Variants in PHACTR2 observed in about 807,000 individuals in gnomAD.
The protein encoded by PHACTR2 is phosphatase and actin regulator 2.
A neutral mutation model predicts 76.0 loss-of-function variants in PHACTR2; 30 were observed. The ratio of observed to expected loss-of-function variants is 0.39; its 90% CI spans 0.30 to 0.54. PHACTR2 has a LOEUF of 0.54. PHACTR2 is among the 20% of genes least tolerant of loss of function. The pLI is 0.61. For missense variants in PHACTR2, 696 were observed against 781.1 expected (o/e 0.89, Z 1.30); for synonymous variants, 292 against 292.5 (o/e 1.00, Z 0.02).
intron 1 of PHACTR2, among the ~76,000 whole-genome samples, chr6:143,545,358 G>A (rs1774966534): frequency 6.6e-6 from 1 of 152,210 alleles, no homozygotes; most frequent in South Asian, 2.1e-4. Flanking sequence ...GAAGTCATAA[G>A]TGTCAGTTCA....
chr6:143,587,841 C>T (rs1230162420), intron 1 of PHACTR2, among the ~76,000 whole-genome samples: 1 of 151,864 alleles, frequency 6.6e-6, no homozygotes, highest in African/African-American at 2.4e-5. Flanking sequence ...TGGAGAAACC[C>T]CGTCTCTACT....
chr6:143,550,481 A>G lies in PHACTR2; in HGVS notation c.217+13274A>G, dbSNP rs1775080797. 6.6e-6 allele frequency among the ~76,000 whole-genome samples: 1 copy of G among 152,066 alleles called. No homozygotes were observed. Among genetic ancestry groups the G allele is most frequent in the South Asian group, 2.1e-4 (1 of 4,824 alleles). On this transcript the variant is annotated intron_variant, in intron 1 of 11. Coordinates refer to the PHACTR2 transcript ENST00000367584. The surrounding 1 kb of genome is among the most constrained non-coding windows in gnomAD (Gnocchi z 4.8). ...GCAAACCTTACTATATATTATCTAT[A>G]TAGTAAATAATGGGCGGAGGGTGTC... is the stretch of plus-strand genomic sequence containing the variant.
rs927159408 is a variant in PHACTR2, at chr6:143,696,392, C to T, written c.47-15624C>T. Among the ~76,000 whole-genome samples, 2 of 152,070 alleles carry T rather than the reference C, an allele frequency of 1.3e-5. No homozygotes were observed. The highest frequency in any genetic ancestry group is 4.8e-5 in the African/African-American group (2 of 41,380). On this transcript the variant is annotated intron_variant, in intron 1 of 12. Transcript: ENST00000440869. The surrounding 1 kb of genome is among the most constrained non-coding windows in gnomAD (Gnocchi z 4.1). ...ATATTTTTCCAAGAAATTTTGCTGC[C>T]CCAATTGCTCCAAATCATAAATAAC...
intron 1 of PHACTR2, among the ~76,000 whole-genome samples, chr6:143,540,081 G>C (rs1052329812): frequency 1.3e-5 from 2 of 152,176 alleles, no homozygotes; most frequent in Non-Finnish European, 2.9e-5. Flanking sequence ...ATTTGTTTTA[G>C]TACCTTCTCA....
intron 1 of PHACTR2, among the ~76,000 whole-genome samples, chr6:143,650,968 C>A (rs1487694757): frequency 6.6e-6 from 1 of 151,734 alleles, no homozygotes. Context: ...TCTATTAATA[C>A]AAGGAACTTA....
rs988488765 is a variant in PHACTR2, at chr6:143,545,708, A to G, written c.217+8501A>G. On this transcript the variant is annotated intron_variant, in intron 1 of 11. Transcript: ENST00000367584. ...TTTTCTTACCCTACCCCACCCTAGT[A>G]CATATCTATCACCCCTCATAGAAAC... 6.6e-5 allele frequency among the ~76,000 whole-genome samples: 10 copies of G among 152,314 alleles called. 1 individual carries two copies. The highest frequency in any genetic ancestry group is 1.9e-4 in the East Asian group (1 of 5,186).
chr6:143,611,261 G>C lies in PHACTR2; in HGVS notation c.13+2939G>C, dbSNP rs551124506. 6.6e-6 allele frequency among the ~76,000 whole-genome samples: 1 copy of C among 152,298 alleles called. No individual in the cohort carries two copies. The highest frequency in any genetic ancestry group is 2.1e-4 in the South Asian group (1 of 4,828). On this transcript the variant is annotated intron_variant, in intron 1 of 11. Coordinates refer to the PHACTR2 transcript ENST00000305766. This position sits in a 1 kb window ranked among gnomAD's most constrained non-coding sequence, Gnocchi z 4.4. ...GTTGAAAGAGCCACACTCATTTGGA[G>C]GGGAGGTGGCAGCTGCTGAGAGCCC...
intron 6 of PHACTR2, among the ~76,000 whole-genome samples, chr6:143,771,225 T>TAC (rs1775127173): frequency 8.6e-6 from 1 of 116,206 alleles, no homozygotes; most frequent in Non-Finnish European, 1.7e-5. Flanking sequence ...TATATATATA[T>TAC]ATATATATAT....
Position 143,680,264 on chromosome 6 carries a change from GTTAAC to G in PHACTR2, c.46+2057_46+2061del, listed in dbSNP as rs1777360179. Among the ~76,000 whole-genome samples, 1 of 151,996 alleles carries G rather than the reference GTTAAC, an allele frequency of 6.6e-6. No homozygotes were observed. The highest frequency in any genetic ancestry group is 1.9e-4 in the East Asian group (1 of 5,190). On this transcript the variant is annotated intron_variant, in intron 1 of 12. Coordinates refer to ENST00000440869, the MANE Select transcript of PHACTR2 (RefSeq NM_001100164.2). This position sits in a 1 kb window ranked among gnomAD's most constrained non-coding sequence, Gnocchi z 4.5. ...ATTCCAGGTATTTTGTTCACTCCTT[GTTAAC>G]TGTTTAACTCTGGCTTTACAGATGG...
chr6:143,778,377 A>C (rs1423716489), intron 9 of PHACTR2, among the ~76,000 whole-genome samples: 1 of 152,188 alleles, frequency 6.6e-6, no homozygotes, highest in Non-Finnish European at 1.5e-5. Flanking sequence ...GTTAGTACGA[A>C]ATCAATTCAA....
chr6:143,648,765 T>A lies in PHACTR2; in HGVS notation c.13+40443T>A, dbSNP rs1776702780. On this transcript the variant is annotated intron_variant, in intron 1 of 11. Transcript: ENST00000305766. The surrounding 1 kb of genome is among the most constrained non-coding windows in gnomAD (Gnocchi z 6.7). The stretch of plus-strand genomic sequence containing the variant: ...CAGGATGTGCACGTGTGTGTGTCTC[T>A]GTGTGTGTGTGGGCATGTGTCTCTG... 2.6e-5 allele frequency among the ~76,000 whole-genome samples: 4 copies of A among 151,962 alleles called. No individual in the cohort carries two copies. Among genetic ancestry groups the A allele is most frequent in the Non-Finnish European group, 5.9e-5 (4 of 67,968 alleles).
rs538107059 is a variant in PHACTR2 at position 143,678,544 on chromosome 6, A to C, written c.46+335A>C. Among the ~76,000 whole-genome samples the C allele has an allele frequency of 6.6e-6, 1 of 152,336 alleles. No individual in the cohort carries two copies. The highest frequency in any genetic ancestry group is 2.1e-4 in the South Asian group (1 of 4,830). On this transcript the variant is annotated intron_variant, in intron 1 of 12. Transcript: ENST00000440869. The surrounding 1 kb of genome is among the most constrained non-coding windows in gnomAD (Gnocchi z 6.2). ...TTTAAAAACGCGAAACTTAGAGAGC[A>C]AGAGAAACATGCCAACAGGTTTTTC...
At chr6:143,728,620 A>G (rs1436238887) in intron 2 of PHACTR2, among the ~76,000 whole-genome samples, 2 of 152,188 alleles carry the variant, frequency 1.3e-5, no homozygotes, top group Non-Finnish European at 1.5e-5. Context: ...ACAGCATGGT[A>G]TTTGTATAAA....
upstream of PHACTR2, among the ~76,000 whole-genome samples, chr6:143,606,241 T>C (rs1223567990): frequency 1.5e-5 from 2 of 133,830 alleles, no homozygotes; most frequent in Admixed American, 7.6e-5. Context: ...ACTAAATGCA[T>C]TTTGGAGCGA....
At chr6:143,600,591 T>G (rs1275245544) in intron 1 of PHACTR2, among the ~76,000 whole-genome samples, 1 of 152,264 alleles carries the variant, frequency 6.6e-6, no homozygotes, top group Non-Finnish European at 1.5e-5. Flanking sequence ...TATAATTTAG[T>G]CTTCCTTCAG....
In PHACTR2 at chr6:143,771,587, C is replaced by A. The variant is rs144137419; in HGVS notation, c.1233-671C>A. Among the ~76,000 whole-genome samples, 418 of 151,766 alleles carry A rather than the reference C, an allele frequency of 2.8e-3. 8 individuals are homozygous for A. In the East Asian group the frequency reaches 0.041, roughly 15 times the overall value. On this transcript the variant is annotated intron_variant, in intron 6 of 12. Coordinates refer to ENST00000440869, the MANE Select transcript of PHACTR2 (RefSeq NM_001100164.2). ...GAGTAGTTGGGACTACAGGTGCCGG[C>A]CACCACTGCTGGCTAATATTTTGTA...
chr6:143,636,252 G>A (rs1041530575), intron 1 of PHACTR2, among the ~76,000 whole-genome samples: 5 of 151,450 alleles, frequency 3.3e-5, no homozygotes, highest in African/African-American at 1.2e-4. Flanking sequence ...TTCCTCTGCT[G>A]CCTTTATGGT....
rs2128448811 is a variant in PHACTR2 at position 143,663,138 on chromosome 6, G to A, written c.14-48878G>A. Among the ~76,000 whole-genome samples the A allele has an allele frequency of 6.6e-6, 1 of 152,208 alleles. No homozygotes were observed. The highest frequency in any genetic ancestry group is 3.4e-3 in the Middle Eastern group (1 of 294). ...TAATGAGCACCTAGGTTGATTCCAT[G>A]TCTCTGCTATTGTGAATAGCACAGT... On this transcript the variant is annotated intron_variant, in intron 1 of 11. Coordinates refer to the PHACTR2 transcript ENST00000305766. This position sits in a 1 kb window ranked among gnomAD's most constrained non-coding sequence, Gnocchi z 4.1.
At chr6:143,805,664 G>T (rs1003077005) in intron 11 of PHACTR2, among the ~76,000 whole-genome samples, 4 of 152,142 alleles carry the variant, frequency 2.6e-5, no homozygotes, top group African/African-American at 7.2e-5. Flanking sequence ...TGTCACAGAG[G>T]ACTCAGGCTC....
Sources: gnomAD v4.1 joint callset for allele counts (sites outside exome capture counted in the v4.1 genomes callset) on GRCh38, gnomAD v4.1.1 for gene constraint, Gnocchi (gnomAD v3.1) non-coding constraint, MANE v1.5 for transcripts, NCBI Gene and HGNC (gene_info 2026-07-23, HGNC 2026-07-21) for gene names.